The following MCTP1 variants were observed in gnomAD, a reference collection of about 807,000 sequenced individuals.
The protein encoded by MCTP1 is multiple C2 and transmembrane domain containing 1, also known as multiple C2 and transmembrane domain-containing protein 1.
MCTP1 carries 69 observed loss-of-function variants against 120.6 expected under a neutral mutation model. That is an observed-to-expected ratio of 0.57 (90% CI 0.47 to 0.70). The LOEUF is 0.70. MCTP1 is among the 30% of genes least tolerant of loss of function. MCTP1 has a pLI of 0.00. For missense variants in MCTP1, 1,203 were observed against 1,248.8 expected, an observed-to-expected ratio of 0.96 and a Z score of 0.55; for synonymous variants, 529 against 493.1, an observed-to-expected ratio of 1.07 and a Z score of -0.96.
At chr5:95,028,210 AT>A (rs1839641466) in intron 1 of MCTP1, among the ~76,000 whole-genome samples, 1 of 152,226 alleles carries the variant, frequency 6.6e-6, no homozygotes, top group South Asian at 2.1e-4. Context: ...GCTATTAATA[AT>A]GATACGGTAG....
At chr5:94,847,384 T>C in intron 17 of MCTP1, among the ~76,000 whole-genome samples, 1 of 152,184 alleles carries the variant, frequency 6.6e-6, no homozygotes, top group East Asian at 1.9e-4. Flanking sequence ...CAGTACCTGC[T>C]CTAAGTCTTT....
chr5:95,204,030 G>A (rs1406619429), intron 1 of MCTP1, among the ~76,000 whole-genome samples: 1 of 152,130 alleles, frequency 6.6e-6, no homozygotes, highest in Non-Finnish European at 1.5e-5. Context: ...TAAATTCACT[G>A]AGTTTTTGTG....
Position 94,835,103 on chromosome 5 carries a change from C to G in MCTP1, c.2436+33230G>C, listed in dbSNP as rs115970864. Among the ~76,000 whole-genome samples, 1,107 of 152,258 alleles carry G rather than the reference C, an allele frequency of 7.3e-3. 6 individuals are homozygous for G. Among genetic ancestry groups the G allele is most frequent in the Non-Finnish European group, 0.012 (841 of 68,022 alleles). On this transcript the variant is annotated intron_variant, in intron 17 of 22. Transcript: ENST00000515393. Reference sequence around the variant, plus strand: ...AAATGCTGGGATTACACGCATGAGCCACCATGCCTGGCCCTATAACGCATT... The same window carrying G: ...AAATGCTGGGATTACACGCATGAGCGACCATGCCTGGCCCTATAACGCATT...
At chr5:95,157,524 A>G (rs921846202) in intron 1 of MCTP1, among the ~76,000 whole-genome samples, 8 of 152,250 alleles carry the variant, frequency 5.3e-5, no homozygotes, top group Non-Finnish European at 1.0e-4. Context: ...AGAAAACTTT[A>G]GCAACTTGTC....
At chr5:94,758,787 A>G (rs948054181) in intron 19 of MCTP1, among the ~76,000 whole-genome samples, 1 of 152,188 alleles carries the variant, frequency 6.6e-6, no homozygotes, top group South Asian at 2.1e-4. Context: ...AAAATGCACA[A>G]TTTTGTTATC....
intron 1 of MCTP1, among the ~76,000 whole-genome samples, chr5:95,031,529 T>C (rs1334425101): frequency 6.6e-6 from 1 of 152,090 alleles, no homozygotes; most frequent in Admixed American, 6.6e-5. Context: ...CACGTCCTCC[T>C]AAAAAAATTA....
intron 1 of MCTP1, among the ~76,000 whole-genome samples, chr5:95,222,990 G>A (rs866881759): frequency 6.6e-6 from 1 of 152,174 alleles, no homozygotes; most frequent in Non-Finnish European, 1.5e-5. Context: ...GCAGTCCTTT[G>A]GAGATTTCTC....
chr5:95,205,286 A>G (rs1044731487), intron 1 of MCTP1, among the ~76,000 whole-genome samples: 1 of 152,120 alleles, frequency 6.6e-6, no homozygotes. Flanking sequence ...GGAAAATTGT[A>G]TATCTTCATA....
chr5:94,864,787 A>G (rs540645803), intron 17 of MCTP1, among the ~76,000 whole-genome samples: 118 of 152,052 alleles, frequency 7.8e-4, no homozygotes, highest in African/African-American at 2.5e-3. Context: ...TTTTACTGAT[A>G]GCTCAGTTGT....
intron 17 of MCTP1, among the ~76,000 whole-genome samples, chr5:94,803,591 A>C (rs1781640094): frequency 6.6e-6 from 1 of 152,232 alleles, no homozygotes; most frequent in East Asian, 1.9e-4. Context: ...CTCAACAAGC[A>C]TTAGGTGTTC....
intron 1 of MCTP1, among the ~76,000 whole-genome samples, chr5:95,275,533 C>T (rs1759760001): frequency 6.6e-6 from 1 of 152,164 alleles, no homozygotes; most frequent in Admixed American, 6.5e-5. Flanking sequence ...AATAAAAATA[C>T]AAGTATGAGA....
At chr5:94,964,609 C>T (rs1825154663) in intron 2 of MCTP1, among the ~76,000 whole-genome samples, 2 of 152,152 alleles carry the variant, frequency 1.3e-5, no homozygotes, top group Admixed American at 1.3e-4. Flanking sequence ...TAATTATCAT[C>T]TTTCTTTTAC....
chr5:94,951,267 C>T (rs1444069290), intron 3 of MCTP1, among the ~76,000 whole-genome samples: 1 of 152,130 alleles, frequency 6.6e-6, no homozygotes, highest in East Asian at 1.9e-4. Context: ...CCTAGTAAGA[C>T]ATTCCTTTTG....
chr5:94,751,367 G>A (rs779680118), intron 19 of MCTP1, among the ~76,000 whole-genome samples: 10 of 151,228 alleles, frequency 6.6e-5, no homozygotes, highest in Non-Finnish European at 1.3e-4. Context: ...CAGAGCCCAG[G>A]CATATGAGAT....
intron 1 of MCTP1, among the ~76,000 whole-genome samples, chr5:95,243,578 G>A (rs958345522): frequency 6.6e-6 from 1 of 152,174 alleles, no homozygotes; most frequent in Non-Finnish European, 1.5e-5. Flanking sequence ...AGGAATCAGT[G>A]ACATTTTAAG....
At chr5:95,161,461 G>A (rs1347097294) in intron 1 of MCTP1, among the ~76,000 whole-genome samples, 1 of 152,062 alleles carries the variant, frequency 6.6e-6, no homozygotes, top group Non-Finnish European at 1.5e-5. Flanking sequence ...AGAGGGAAAG[G>A]GGAGATGTTG....
rs866216667 is a variant in MCTP1, at chr5:95,048,130, G to A, written c.721-30646C>T. Among the ~76,000 whole-genome samples, 7 of 152,242 alleles carry A rather than the reference G, an allele frequency of 4.6e-5. No individual in the cohort carries two copies. In the Middle Eastern group the frequency reaches 0.01, roughly 222 times the overall value. ...TTACTCTCTAACATGTTAGGCAAAG[G>A]AATATAATTTGTTGCTTTTTAAAAA... On this transcript the variant is annotated intron_variant, in intron 1 of 22. Coordinates refer to ENST00000515393, the MANE Select transcript of MCTP1 (RefSeq NM_024717.7).
chr5:94,928,916 T>G (rs1180417572), intron 6 of MCTP1, among the ~76,000 whole-genome samples: 1 of 152,190 alleles, frequency 6.6e-6, no homozygotes, highest in Non-Finnish European at 1.5e-5. Flanking sequence ...CTTCTTTTGA[T>G]TTCAATAGTT....
intron 1 of MCTP1, among the ~76,000 whole-genome samples, chr5:95,098,099 C>T (rs908884014): frequency 5.3e-5 from 8 of 152,036 alleles, no homozygotes; most frequent in East Asian, 1.9e-4. Context: ...CATAGATCAA[C>T]GGTAAGTTTA....
Sources: gnomAD v4.1 joint callset for allele counts (sites outside exome capture counted in the v4.1 genomes callset) on GRCh38, gnomAD v4.1.1 for gene constraint, MANE v1.5 for transcripts, NCBI Gene and HGNC (gene_info 2026-07-23, HGNC 2026-07-21) for gene names.